MGST3: variants seen among roughly 807,000 people sequenced by gnomAD.
MGST3 encodes microsomal glutathione S-transferase 3, also known as glutathione S-transferase 3, mitochondrial.
Under a neutral mutation model 15.8 loss-of-function variants are expected in MGST3, and 13 were observed. That is an observed-to-expected ratio of 0.82 (90% CI 0.54 to 1.31). The LOEUF (loss-of-function observed/expected upper bound fraction) is 1.31. MGST3 is among the 50% of genes most tolerant of loss of function. The probability of loss-of-function intolerance (pLI) is 0.00; values close to 1 mark genes in which losing one functional copy is unlikely to be tolerated. For missense variants in MGST3, 155 were observed against 192.4 expected (o/e 0.81, Z 1.15); for synonymous variants, 49 against 68.1 (o/e 0.72, Z 1.38).
chr1:165,651,208 C>T (rs1211204566), intron 3 of MGST3, 121 bp downstream of exon 3: 1 of 849,338 alleles, frequency 1.2e-6, no homozygotes, highest in African/African-American at 1.7e-5. Flanking sequence ...TCATGGGCAC[C>T]TCATTAAAAG....
intron 4 of MGST3, 48 bp from the exon 5 acceptor site, chr1:165,654,231 T>A: frequency 1.3e-6 from 2 of 1,578,834 alleles, no homozygotes; most frequent in Non-Finnish European, 1.7e-6. Flanking sequence ...TTAAAAAAGG[T>A]TTGCTTGTTT....
At chr1:165,653,482 G>A (rs1205666729) in intron 4 of MGST3, among the ~76,000 whole-genome samples, 3 of 152,156 alleles carry the variant, frequency 2.0e-5, no homozygotes, top group Non-Finnish European at 4.4e-5. Flanking sequence ...GACATTTAAT[G>A]TTACCCAAAA....
At chr1:165,632,867 A>G (rs1647991966) in intron 1 of MGST3, among the ~76,000 whole-genome samples, 1 of 152,138 alleles carries the variant, frequency 6.6e-6, no homozygotes, top group African/African-American at 2.4e-5. Context: ...CCCACTATTC[A>G]GAGAAATGCT....
At chr1:165,652,641 G>A (rs578211503) in intron 4 of MGST3, among the ~76,000 whole-genome samples, 9 of 152,352 alleles carry the variant, frequency 5.9e-5, no homozygotes, top group East Asian at 1.9e-4. Context: ...ATAAAAGGAG[G>A]TGAGGGAGCA....
intron 1 of MGST3, among the ~76,000 whole-genome samples, chr1:165,641,035 G>A (rs9333419): frequency 6.6e-6 from 1 of 152,064 alleles, no homozygotes; most frequent in Non-Finnish European, 1.5e-5. Context: ...ATACAAAAAT[G>A]AGCCTGGTGT....
At chr1:165,654,241 T>C (rs768747809) in intron 4 of MGST3, 38 bp from the exon 5 acceptor site, 1 of 1,597,132 alleles carries the variant, frequency 6.3e-7, no homozygotes, top group South Asian at 1.1e-5. Context: ...TTTGCTTGTT[T>C]CTTTCATGCA....
intron 1 of MGST3, among the ~76,000 whole-genome samples, chr1:165,644,827 C>T (rs9333446): frequency 0.036 from 5,532 of 152,208 alleles, 350 homozygotes; most frequent in African/African-American, 0.13. Flanking sequence ...GGTGCAATCT[C>T]GGCTCACTGC....
chr1:165,637,522 T>G (rs1217410759), intron 1 of MGST3, among the ~76,000 whole-genome samples: 1 of 152,170 alleles, frequency 6.6e-6, no homozygotes, highest in Non-Finnish European at 1.5e-5. Flanking sequence ...TGGGAAGTAG[T>G]GAAGGAGACC....
chr1:165,651,335 TAC>T, intron 3 of MGST3: 1 of 544,878 alleles, frequency 1.8e-6, no homozygotes. Context: ...CATTACCTAC[TAC>T]AGTTTTGCAG....
At chr1:165,648,474 A>G (rs950788228) in intron 1 of MGST3, 1 of 152,318 alleles carries the variant, frequency 6.6e-6, no homozygotes, top group Non-Finnish European at 1.5e-5. Context: ...CCTGGCCAAC[A>G]TGGCAAAACC....
intron 5 of MGST3, among the ~76,000 whole-genome samples, 182 bp from the exon 6 acceptor site, chr1:165,655,186 C>T (rs1648674574): frequency 6.6e-6 from 1 of 152,180 alleles, no homozygotes; most frequent in Non-Finnish European, 1.5e-5. Context: ...ACTACTGTGG[C>T]ACGTTACTTG....
intron 4 of MGST3, chr1:165,653,923 G>A: frequency 8.7e-6 from 3 of 345,738 alleles, no homozygotes; most frequent in South Asian, 7.4e-5. Flanking sequence ...CTTTGGGGCA[G>A]TTCTCTTTTC....
In MGST3 at chr1:165,651,096, C is replaced by A. The variant is rs770942087; in HGVS notation, c.191+9C>A. On this transcript the variant is annotated intron_variant, in intron 3 of 5. Transcript: ENST00000367889. ...CGAGCCCACCAGAACACGTGAGTGTCGGCCCTGCCGGGCACCAAAGACATC... is the reference window on the plus strand; with the variant it reads ...CGAGCCCACCAGAACACGTGAGTGTAGGCCCTGCCGGGCACCAAAGACATC... 2 of 1,613,600 alleles carry A rather than the reference C, an allele frequency of 1.2e-6. No individual in the cohort carries two copies. Among genetic ancestry groups the A allele is most frequent in the South Asian group, 1.1e-5 (1 of 91,062 alleles).
intron 1 of MGST3, among the ~76,000 whole-genome samples, chr1:165,633,358 G>C (rs1463187266): frequency 6.6e-6 from 1 of 152,122 alleles, no homozygotes; most frequent in Non-Finnish European, 1.5e-5. Flanking sequence ...AGATCTTGCT[G>C]TTACCTTCTG....
At chr1:165,646,490 T>C (rs1648406005) in intron 1 of MGST3, 1 of 152,260 alleles carries the variant, frequency 6.6e-6, no homozygotes, top group Non-Finnish European at 1.5e-5. Context: ...GAATTCTTCT[T>C]TCTTAAGATT....
intron 1 of MGST3, among the ~76,000 whole-genome samples, chr1:165,641,922 A>G (rs9333432): frequency 0.28 from 42,096 of 152,132 alleles, 6,984 homozygotes; most frequent in African/African-American, 0.46. Flanking sequence ...ATTTCTTTTA[A>G]ACCTTTAATG....
At chr1:165,653,841 C>T (rs1337866441) in intron 4 of MGST3, 1 of 262,722 alleles carries the variant, frequency 3.8e-6, no homozygotes, top group Middle Eastern at 1.4e-3. Context: ...TCACATAGAA[C>T]AGCAGCTGAG....
At chr1:165,654,132 T>A (rs1430930625) in intron 4 of MGST3, 147 bp from the exon 5 acceptor site, 8 of 759,196 alleles carry the variant, frequency 1.1e-5, no homozygotes, top group African/African-American at 1.0e-4. Flanking sequence ...GAAACTAACT[T>A]AATTCTACCT....
chr1:165,634,026 T>TG (rs1375751319), intron 1 of MGST3, among the ~76,000 whole-genome samples: 6 of 88,958 alleles, frequency 6.7e-5, no homozygotes, highest in Admixed American at 5.6e-4. Context: ...TTCCCAAAGT[T>TG]TTTTTTTTTT....
Sources: gnomAD v4.1 joint callset for allele counts (sites outside exome capture counted in the v4.1 genomes callset) on GRCh38, gnomAD v4.1.1 for gene constraint, MANE v1.5 for transcripts, NCBI Gene and HGNC (gene_info 2026-07-23, HGNC 2026-07-21) for gene names.